Variants in DOK6 observed in about 807,000 individuals in gnomAD.
The protein encoded by DOK6 is downstream of tyrosine kinase 6.
Under a neutral mutation model 44.0 loss-of-function variants are expected in DOK6, and 22 were observed. The ratio of observed to expected loss-of-function variants is 0.50; its 90% CI spans 0.36 to 0.71. DOK6 has a LOEUF of 0.71. Among genes scored for constraint, DOK6 ranks in the 30% least tolerant of loss-of-function variants. The pLI is 0.00. For synonymous variants in DOK6, 166 were observed against 145.5 expected (o/e 1.14, Z -1.01); for missense variants, 340 against 416.4 (o/e 0.82, Z 1.60).
intron 1 of DOK6, among the ~76,000 whole-genome samples, chr18:69,552,435 A>C (rs1982588372): frequency 6.6e-6 from 1 of 152,104 alleles, no homozygotes; most frequent in Non-Finnish European, 1.5e-5. Context: ...AATATCAATA[A>C]AATTTGTATT....
intron 3 of DOK6, among the ~76,000 whole-genome samples, chr18:69,611,741 G>A (rs1258358713): frequency 3.3e-5 from 5 of 152,172 alleles, no homozygotes; most frequent in Non-Finnish European, 7.3e-5. Flanking sequence ...TAGATACCAT[G>A]TGATTCTGTT....
At chr18:69,762,507 T>C (rs747983905) in intron 7 of DOK6, among the ~76,000 whole-genome samples, 5 of 152,176 alleles carry the variant, frequency 3.3e-5, no homozygotes, top group Middle Eastern at 3.2e-3. Context: ...GAATATATCA[T>C]TGTCAAGTAA....
chr18:69,426,655 G>A (rs1447781312), intron 1 of DOK6, among the ~76,000 whole-genome samples: 3 of 152,126 alleles, frequency 2.0e-5, no homozygotes, highest in African/African-American at 7.2e-5. Flanking sequence ...ATACAGTGAA[G>A]TGATTTTAAA....
intron 7 of DOK6, among the ~76,000 whole-genome samples, chr18:69,759,771 C>T (rs925713416): frequency 6.6e-6 from 1 of 152,164 alleles, no homozygotes; most frequent in South Asian, 2.1e-4. Flanking sequence ...TAACTTGCAG[C>T]AAAGTTAAAG....
intron 1 of DOK6, among the ~76,000 whole-genome samples, chr18:69,487,215 GTGTGTGTC>G (rs1182454549): frequency 2.1e-5 from 3 of 145,160 alleles, no homozygotes; most frequent in Non-Finnish European, 4.6e-5. Flanking sequence ...GTGTGTGTGT[GTGTGTGTC>G]TGTCTGTGTG....
chr18:69,631,204 A>G (rs1984683196), intron 3 of DOK6, among the ~76,000 whole-genome samples: 1 of 152,348 alleles, frequency 6.6e-6, no homozygotes, highest in South Asian at 2.1e-4. Flanking sequence ...AATGTAGACA[A>G]TATGAGAAGA....
In DOK6 at chr18:69,789,641, G is replaced by C. The variant is rs147926681; in HGVS notation, c.856+31768G>C. 5.1e-3 allele frequency among the ~76,000 whole-genome samples: 777 copies of C among 152,180 alleles called. 11 individuals carry two copies. The highest frequency in any genetic ancestry group is 0.018 in the African/African-American group (755 of 41,530). On this transcript the variant is annotated intron_variant, in intron 7 of 7. Transcript: ENST00000382713. ...ATGTTCCCAAAGATGACATTAAAAA[G>C]AAACTTTTTACAAACATTCTTGGCA...
chr18:69,509,594 C>T (rs1453688907), intron 1 of DOK6, among the ~76,000 whole-genome samples: 1 of 143,562 alleles, frequency 7.0e-6, no homozygotes, highest in Admixed American at 7.1e-5. Context: ...GCCGAGATCG[C>T]GCCGCTGCAC....
At chr18:69,439,323 T>C (rs1018022245) in intron 1 of DOK6, among the ~76,000 whole-genome samples, 2 of 152,130 alleles carry the variant, frequency 1.3e-5, no homozygotes, top group Non-Finnish European at 2.9e-5. Context: ...AATTTTGGAA[T>C]GGTAAATGAG....
intron 6 of DOK6, among the ~76,000 whole-genome samples, chr18:69,757,433 T>G (rs1979391968): frequency 1.3e-5 from 2 of 152,222 alleles, no homozygotes; most frequent in African/African-American, 4.8e-5. Flanking sequence ...TCCATAGAAA[T>G]GTAAATAACT....
At chr18:69,722,739 CTAAAGT>C (rs1327139902) in intron 5 of DOK6, among the ~76,000 whole-genome samples, 1 of 152,114 alleles carries the variant, frequency 6.6e-6, no homozygotes. Context: ...CTTCATATCT[CTAAAGT>C]TAAATTCAGT....
intron 5 of DOK6, among the ~76,000 whole-genome samples, chr18:69,699,616 T>G (rs1182141390): frequency 6.6e-6 from 1 of 152,206 alleles, no homozygotes; most frequent in Non-Finnish European, 1.5e-5. Context: ...ATGAGCTTGT[T>G]CAACTATTTC....
chr18:69,473,934 G>C (rs1205033906), intron 1 of DOK6, among the ~76,000 whole-genome samples: 1 of 151,642 alleles, frequency 6.6e-6, no homozygotes, highest in African/African-American at 2.4e-5. Flanking sequence ...TATTGGAAGT[G>C]CACACCTTTC....
At chr18:69,508,166 T>C (rs1347393900) in intron 1 of DOK6, among the ~76,000 whole-genome samples, 2 of 152,194 alleles carry the variant, frequency 1.3e-5, no homozygotes, top group African/African-American at 4.8e-5. Flanking sequence ...TTGAATTGCA[T>C]AGCCTTCAAT....
intron 7 of DOK6, among the ~76,000 whole-genome samples, chr18:69,817,288 C>CA (rs1175512175): frequency 1.3e-5 from 2 of 152,008 alleles, no homozygotes; most frequent in African/African-American, 4.8e-5. Context: ...GAAAGAAGTC[C>CA]ATTTTTCTTC....
At chr18:69,465,361 T>C (rs1010833758) in intron 1 of DOK6, among the ~76,000 whole-genome samples, 3 of 152,082 alleles carry the variant, frequency 2.0e-5, no homozygotes, top group African/African-American at 4.8e-5. Context: ...AATGTGCAGG[T>C]TAGTTACATA....
chr18:69,812,709 T>C (rs375496437), intron 7 of DOK6, among the ~76,000 whole-genome samples: 1 of 152,290 alleles, frequency 6.6e-6, no homozygotes, highest in African/African-American at 2.4e-5. Flanking sequence ...AAAAGAAGTT[T>C]AATTGACCCA....
chr18:69,609,947 A>C (rs1216336552), intron 3 of DOK6, among the ~76,000 whole-genome samples: 1 of 152,214 alleles, frequency 6.6e-6, no homozygotes, highest in Non-Finnish European at 1.5e-5. Flanking sequence ...GCTGCATTTC[A>C]CTTATGTCAG....
chr18:69,567,726 T>C (rs12966106), intron 2 of DOK6, among the ~76,000 whole-genome samples: 55,753 of 152,088 alleles, frequency 0.37, 11,639 homozygotes, highest in South Asian at 0.46. Context: ...AAACTCTGGA[T>C]GTCAGGTTCA....
Sources: allele counts gnomAD v4.1 joint callset (sites outside exome capture counted in the v4.1 genomes callset), GRCh38; gene constraint gnomAD v4.1.1; transcripts MANE v1.5; gene names NCBI Gene and HGNC (gene_info 2026-07-23, HGNC 2026-07-21).